The following ARHGAP12 variants were observed in gnomAD, a reference collection of about 807,000 sequenced individuals.
ARHGAP12 encodes the protein Rho GTPase activating protein 12, also known as rho GTPase-activating protein 12.
ARHGAP12 carries 64 observed loss-of-function variants against 108.6 expected under a neutral mutation model. The ratio of observed to expected loss-of-function variants is 0.59; its 90% CI spans 0.48 to 0.73. The LOEUF is 0.73. Ranked by LOEUF, ARHGAP12 falls within the 30% of genes least tolerant of loss-of-function variation. ARHGAP12 has a pLI of 0.00. For missense variants in ARHGAP12, 940 were observed against 1,005.9 expected (o/e 0.93, Z 0.89); for synonymous variants, 312 against 337.2 (o/e 0.93, Z 0.82).
intron 3 of ARHGAP12, among the ~76,000 whole-genome samples, chr10:31,872,537 A>G (rs551336523): frequency 6.6e-6 from 1 of 152,280 alleles, no homozygotes; most frequent in South Asian, 2.1e-4. Flanking sequence ...CTATCCTAAT[A>G]TATCTTGAAT....
rs191694472 is a variant in ARHGAP12, at chr10:31,855,812, A to C, written c.949-1606T>G. ...CATCATAATTTTCCAAATTTTGCAC[A>C]GTAAATATGATGTTCTACCATGAAA... On this transcript the variant is annotated intron_variant, in intron 4 of 19. Transcript: ENST00000344936. 7.9e-4 allele frequency among the ~76,000 whole-genome samples: 121 copies of C among 152,320 alleles called. 1 individual carries two copies. The highest frequency in any genetic ancestry group is 2.7e-3 in the African/African-American group (114 of 41,584).
intron 1 of ARHGAP12, among the ~76,000 whole-genome samples, chr10:31,911,039 A>T (rs1167365284): frequency 6.6e-6 from 1 of 151,896 alleles, no homozygotes; most frequent in Non-Finnish European, 1.5e-5. Context: ...TTATTTATTT[A>T]TTTTTTGAGA....
intron 5 of ARHGAP12, among the ~76,000 whole-genome samples, chr10:31,853,259 G>C (rs927582114): frequency 2.6e-5 from 4 of 152,046 alleles, no homozygotes; most frequent in Non-Finnish European, 5.9e-5. Context: ...TGACAAAAGA[G>C]AAATGTTTTT....
chr10:31,833,753 T>C (rs140509749), intron 9 of ARHGAP12, among the ~76,000 whole-genome samples: 1 of 152,170 alleles, frequency 6.6e-6, no homozygotes, highest in Non-Finnish European at 1.5e-5. Flanking sequence ...AACTTGACAC[T>C]TGAACTAAGG....
chr10:31,886,807 G>A (rs1178182966), intron 3 of ARHGAP12, among the ~76,000 whole-genome samples: 2 of 152,130 alleles, frequency 1.3e-5, no homozygotes, highest in Non-Finnish European at 2.9e-5. Context: ...ACAAAATGCA[G>A]TTCTGATAAA....
chr10:31,852,479 C>T, intron 6 of ARHGAP12, 38 bp downstream of exon 6: 1 of 1,444,628 alleles, frequency 6.9e-7, no homozygotes, highest in Non-Finnish European at 9.7e-7. Context: ...ACTTCATCTA[C>T]TATTTTTAAA....
chr10:31,891,202 G>A (rs1379527357), intron 3 of ARHGAP12, among the ~76,000 whole-genome samples: 2 of 152,118 alleles, frequency 1.3e-5, no homozygotes, highest in African/African-American at 2.4e-5. Context: ...TGTAAGATTA[G>A]GCTTCAAATG....
At chr10:31,898,892 T>C (rs1245831652) in intron 3 of ARHGAP12, among the ~76,000 whole-genome samples, 4 of 152,160 alleles carry the variant, frequency 2.6e-5, no homozygotes, top group Admixed American at 6.5e-5. Flanking sequence ...CAGATGTTTA[T>C]AGCAGAATTA....
At chr10:31,856,631 T>C (rs1310101033) in intron 4 of ARHGAP12, among the ~76,000 whole-genome samples, 2 of 152,194 alleles carry the variant, frequency 1.3e-5, no homozygotes, top group African/African-American at 2.4e-5. Flanking sequence ...CTTTTAAATA[T>C]TCATAGTTTC....
chr10:31,866,588 A>T (rs1246848273), intron 3 of ARHGAP12, among the ~76,000 whole-genome samples: 1 of 152,024 alleles, frequency 6.6e-6, no homozygotes, highest in Non-Finnish European at 1.5e-5. Context: ...ACACCATACA[A>T]TGAGAAGAGA....
At chr10:31,869,350 A>AACATGCTGAAACCCT (rs1474182889) in intron 3 of ARHGAP12, among the ~76,000 whole-genome samples, 2 of 152,310 alleles carry the variant, frequency 1.3e-5, no homozygotes, top group African/African-American at 4.8e-5. Flanking sequence ...TAGCCTGGCC[A>AACATGCTGAAACCCT]ACATGCTGAA....
chr10:31,887,661 GTTTTT>G (rs574894424), intron 3 of ARHGAP12, among the ~76,000 whole-genome samples: 1 of 130,406 alleles, frequency 7.7e-6, no homozygotes, highest in Admixed American at 8.0e-5. Flanking sequence ...TTTTTTTTTT[GTTTTT>G]TTTTTTTTTG....
intron 3 of ARHGAP12, among the ~76,000 whole-genome samples, chr10:31,877,911 G>C (rs1028903518): frequency 6.6e-6 from 1 of 152,094 alleles, no homozygotes; most frequent in Non-Finnish European, 1.5e-5. Context: ...GGGGAACGTG[G>C]AGAAACCCTG....
At chr10:31,817,358 C>T (rs1486455678) in intron 13 of ARHGAP12, among the ~76,000 whole-genome samples, 2 of 151,970 alleles carry the variant, frequency 1.3e-5, no homozygotes, top group African/African-American at 2.4e-5. Context: ...AGGGGAGAGG[C>T]GGAAAAACTA....
chr10:31,884,335 AC>A (rs990866839), intron 3 of ARHGAP12, among the ~76,000 whole-genome samples: 26 of 151,988 alleles, frequency 1.7e-4, no homozygotes, highest in African/African-American at 2.7e-4. Context: ...AAAAAAAAAA[AC>A]GGCACAGTTT....
chr10:31,894,448 C>T (rs1455303089), intron 3 of ARHGAP12, among the ~76,000 whole-genome samples: 1 of 151,982 alleles, frequency 6.6e-6, no homozygotes. Flanking sequence ...TTCTTATACA[C>T]CAATAACAGA....
At chr10:31,895,681 C>G (rs1200480417) in intron 3 of ARHGAP12, among the ~76,000 whole-genome samples, 2 of 152,136 alleles carry the variant, frequency 1.3e-5, no homozygotes, top group Non-Finnish European at 2.9e-5. Context: ...GGCAGTGTGG[C>G]GATTCCTCAA....
chr10:31,900,605 A>AC (rs1264271773), intron 3 of ARHGAP12, among the ~76,000 whole-genome samples: 1 of 152,222 alleles, frequency 6.6e-6, no homozygotes, highest in Non-Finnish European at 1.5e-5. Context: ...TGAAAAGGCT[A>AC]CCTACTGTGT....
At chr10:31,896,587 C>T (rs1229349647) in intron 3 of ARHGAP12, among the ~76,000 whole-genome samples, 1 of 151,866 alleles carries the variant, frequency 6.6e-6, no homozygotes, top group African/African-American at 2.4e-5. Flanking sequence ...TGATAAGACA[C>T]ACATATTAAA....
Sources: gnomAD v4.1 joint callset for allele counts (sites outside exome capture counted in the v4.1 genomes callset) on GRCh38, gnomAD v4.1.1 for gene constraint, MANE v1.5 for transcripts, NCBI Gene and HGNC (gene_info 2026-07-23, HGNC 2026-07-21) for gene names.